MICU3: variants seen among roughly 807,000 people sequenced by gnomAD.
The protein encoded by MICU3 is calcium uptake protein 3, mitochondrial.
Under a neutral mutation model 66.5 loss-of-function variants are expected in MICU3, and 62 were observed. The observed-to-expected ratio is 0.93, with a 90% CI of 0.76 to 1.15. The LOEUF (loss-of-function observed/expected upper bound fraction) is 1.15, where lower values mean the gene tolerates loss of function less well. Among genes scored for constraint, MICU3 ranks in the 50% most tolerant of loss-of-function variants. The pLI is 0.00. For missense variants in MICU3, 779 were observed against 664.4 expected (o/e 1.17, Z -1.90); for synonymous variants, 308 against 240.7 (o/e 1.28, Z -2.59).
intron 11 of MICU3, among the ~76,000 whole-genome samples, chr8:17,111,160 A>G (rs1470127680): frequency 2.0e-5 from 3 of 151,982 alleles, no homozygotes; most frequent in African/African-American, 2.4e-5. Context: ...ATGATTTTTC[A>G]AGTCCTTTGC....
At chr8:17,131,705 TGG>T in the MICU3 span, 1 of 151,900 alleles carries the variant, frequency 6.6e-6, no homozygotes, top group African/African-American at 2.4e-5. Flanking sequence ...CAGGGGAGGG[TGG>T]AGTGTGCCCT....
chr8:17,075,154 C>G (rs1490853333), intron 3 of MICU3, among the ~76,000 whole-genome samples: 1 of 152,182 alleles, frequency 6.6e-6, no homozygotes, highest in Non-Finnish European at 1.5e-5. Context: ...GTCCTGAACA[C>G]AGAGCTTCTA....
intron 4 of MICU3, 135 bp downstream of exon 4, chr8:17,077,996 A>G (rs920526424): frequency 2.2e-6 from 1 of 449,572 alleles, no homozygotes; most frequent in Non-Finnish European, 3.8e-6. Context: ...TGAAGAAGAA[A>G]ACAGCAAAAT....
At chr8:17,039,135 A>G (rs1317819187) in intron 1 of MICU3, among the ~76,000 whole-genome samples, 1 of 152,174 alleles carries the variant, frequency 6.6e-6, no homozygotes, top group Non-Finnish European at 1.5e-5. Context: ...TTTTTTAGCA[A>G]TAAAGTATTT....
the MICU3 span, among the ~76,000 whole-genome samples, chr8:17,133,353 T>C: frequency 6.6e-6 from 1 of 152,222 alleles, no homozygotes; most frequent in Non-Finnish European, 1.5e-5. Flanking sequence ...ATTTTTGTTA[T>C]TTATGGGTTA....
rs76619341 is a variant in MICU3 at position 17,058,266 on chromosome 8, T to G, written c.382-5818T>G. Among the ~76,000 whole-genome samples the G allele has an allele frequency of 1.6e-3, 240 of 152,322 alleles. 5 individuals are homozygous for G. The East Asian group carries it at 0.039, about 25-fold the overall frequency. On this transcript the variant is annotated intron_variant, in intron 1 of 14. Transcript: ENST00000318063. ...AGGATTTTTAAATTGGAAATTAACC[T>G]TTAAAAGATATATTGGATCTAGGTA... is the stretch of plus-strand genomic sequence containing the variant.
At chr8:17,115,342 C>A (rs1156621834) in intron 12 of MICU3, among the ~76,000 whole-genome samples, 2 of 152,140 alleles carry the variant, frequency 1.3e-5, no homozygotes, top group Admixed American at 6.5e-5. Flanking sequence ...ATTCTCAACC[C>A]ATTTTAGTGT....
intron 11 of MICU3, among the ~76,000 whole-genome samples, chr8:17,112,893 C>T (rs988879967): frequency 3.3e-5 from 5 of 152,154 alleles, no homozygotes; most frequent in African/African-American, 7.2e-5. Context: ...ACGACAAACC[C>T]TTTCTGGTGC....
chr8:17,044,265 C>G (rs968828501), intron 1 of MICU3, among the ~76,000 whole-genome samples: 19 of 152,226 alleles, frequency 1.2e-4, no homozygotes, highest in African/African-American at 4.6e-4. Flanking sequence ...AGAAGTTACC[C>G]AGGTAGTAGG....
chr8:17,068,818 TAGA>T (rs1201969639), intron 2 of MICU3, among the ~76,000 whole-genome samples: 1 of 152,162 alleles, frequency 6.6e-6, no homozygotes, highest in East Asian at 1.9e-4. Flanking sequence ...CATTGCCAGG[TAGA>T]AGAAGATGTT....
chr8:17,072,847 G>T (rs1314132461), intron 3 of MICU3, among the ~76,000 whole-genome samples: 1 of 152,126 alleles, frequency 6.6e-6, no homozygotes, highest in East Asian at 1.9e-4. Context: ...TTAGCAAGGA[G>T]AACAAGAAGG....
At chr8:17,110,207 A>G (rs1802070558) in intron 11 of MICU3, among the ~76,000 whole-genome samples, 2 of 152,012 alleles carry the variant, frequency 1.3e-5, no homozygotes, top group Non-Finnish European at 2.9e-5. Context: ...ATTTGTTTGG[A>G]TTTTTTGAGT....
chr8:17,114,238 A>T (rs1435708819), intron 12 of MICU3, 37 bp downstream of exon 12: 1 of 1,295,348 alleles, frequency 7.7e-7, no homozygotes, highest in Non-Finnish European at 1.1e-6. Flanking sequence ...AGCAAGAAGT[A>T]ATACTACATT....
intron 8 of MICU3, among the ~76,000 whole-genome samples, chr8:17,092,741 A>G (rs1025979610): frequency 6.6e-6 from 1 of 152,094 alleles, no homozygotes; most frequent in Admixed American, 6.6e-5. Context: ...AAAAATTCCA[A>G]CATCCTGAAA....
Position 17,085,385 on chromosome 8 carries a change from G to A in MICU3, c.777+67G>A, listed in dbSNP as rs142186793. On this transcript the variant is annotated intron_variant, in intron 6 of 14. Transcript: ENST00000318063. ...TGCTTACTTATATTTTTATGTTTTT[G>A]CCTTATTGGGAGTACTACTGTAGAG... 2.0e-3 allele frequency: 2,183 copies of A among 1,094,054 alleles called. 22 individuals are homozygous for A. The African/African-American group carries it at 0.029, about 15-fold the overall frequency. 67.8% of individuals were successfully genotyped at this position (1,094,054 alleles called of 1,614,324 possible).
chr8:17,035,287 AG>A (rs777626845), intron 1 of MICU3, among the ~76,000 whole-genome samples: 1 of 152,184 alleles, frequency 6.6e-6, no homozygotes, highest in Non-Finnish European at 1.5e-5. Flanking sequence ...ATACTGGTAG[AG>A]GGGGGTGCTG....
At chr8:17,059,177 G>A (rs1465522920) in intron 1 of MICU3, among the ~76,000 whole-genome samples, 1 of 152,004 alleles carries the variant, frequency 6.6e-6, no homozygotes, top group African/African-American at 2.4e-5. Context: ...TTTTGTTTGG[G>A]GATTCCTATT....
chr8:17,129,709 A>C, the MICU3 span, among the ~76,000 whole-genome samples: 1 of 152,190 alleles, frequency 6.6e-6, no homozygotes, highest in Non-Finnish European at 1.5e-5. Flanking sequence ...AGAAGAGGGG[A>C]AGAGGGTGGG....
At chr8:17,071,502 G>A (rs1819577891) in intron 3 of MICU3, among the ~76,000 whole-genome samples, 1 of 151,908 alleles carries the variant, frequency 6.6e-6, no homozygotes, top group African/African-American at 2.4e-5. Flanking sequence ...TTAAAGAAAG[G>A]TCCTCTCTGC....
Sources: allele counts gnomAD v4.1 joint callset (sites outside exome capture counted in the v4.1 genomes callset), GRCh38; gene constraint gnomAD v4.1.1; transcripts MANE v1.5; gene names NCBI Gene and HGNC (gene_info 2026-07-23, HGNC 2026-07-21).